The following IL1RAPL1 variants were observed in gnomAD, a reference collection of about 807,000 sequenced individuals.
The protein encoded by IL1RAPL1 is interleukin-1 receptor accessory protein-like 1.
Under a neutral mutation model 48.4 loss-of-function variants are expected in IL1RAPL1, and 3 were observed. The ratio of observed to expected loss-of-function variants is 0.06; its 90% CI spans 0.03 to 0.16. The LOEUF (loss-of-function observed/expected upper bound fraction) is 0.16. Among genes scored for constraint, IL1RAPL1 ranks in the 10% least tolerant of loss-of-function variants. IL1RAPL1 has a pLI of 1.00. For synonymous variants in IL1RAPL1, 185 were observed against 187.7 expected, an observed-to-expected ratio of 0.99 and a Z score of 0.12; for missense variants, 349 against 530.6, an observed-to-expected ratio of 0.66 and a Z score of 3.36.
At chrX:29,382,293 A>G (rs760938152) in intron 3 of IL1RAPL1, among the ~76,000 whole-genome samples, 5 of 112,182 alleles carry the variant, frequency 4.5e-5, no homozygotes, top group African/African-American at 1.6e-4. Context: ...CTATTATCAT[A>G]ATGTACTTTT....
rs919722685 is a variant in IL1RAPL1 at position 29,400,753 on chromosome X, A to G, written c.703+1445A>G. On this transcript the variant is annotated intron_variant, in intron 5 of 10. Transcript: ENST00000378993. ...CTATACTTGAGTTTCTATACAATCA[A>G]TTTTGAAATTTGTTTTTCATCTGTT... is the stretch of plus-strand genomic sequence containing the variant. Among the ~76,000 whole-genome samples, 4 of 112,070 alleles carry G rather than the reference A, an allele frequency of 3.6e-5. No individual in the cohort carries two copies. In the East Asian group the frequency reaches 1.1e-3, roughly 31 times the overall value.
chrX:29,830,427 T>C (rs778775995), intron 6 of IL1RAPL1, among the ~76,000 whole-genome samples: 2 of 110,655 alleles, frequency 1.8e-5, no homozygotes, highest in Admixed American at 9.6e-5. Flanking sequence ...AAGTATAGAT[T>C]CATCATTTAC....
At chrX:28,720,643 C>T (rs1164022639) in intron 1 of IL1RAPL1, among the ~76,000 whole-genome samples, 1 of 111,698 alleles carries the variant, frequency 9.0e-6, no homozygotes, top group African/African-American at 3.3e-5. Context: ...GGTACATATG[C>T]ACAACGTGCA....
intron 6 of IL1RAPL1, among the ~76,000 whole-genome samples, chrX:29,743,163 GTATT>G (rs1170460393): frequency 7.5e-5 from 8 of 106,856 alleles, no homozygotes; most frequent in African/African-American, 1.7e-4. Context: ...TTAATATAAT[GTATT>G]TATATTAACA....
intron 2 of IL1RAPL1, among the ~76,000 whole-genome samples, chrX:29,010,661 C>T (rs1464290592): frequency 9.0e-6 from 1 of 111,337 alleles, no homozygotes; most frequent in Non-Finnish European, 1.9e-5. Flanking sequence ...AATGTGTATT[C>T]AAAAAATAAA....
intron 6 of IL1RAPL1, among the ~76,000 whole-genome samples, chrX:29,838,089 C>A (rs183675398): frequency 9.0e-6 from 1 of 111,366 alleles, no homozygotes; most frequent in Non-Finnish European, 1.9e-5. Flanking sequence ...AGGGAAGAAG[C>A]GTTCCTAAAG....
At chrX:29,708,193 A>G (rs1927251982) in intron 6 of IL1RAPL1, among the ~76,000 whole-genome samples, 1 of 111,078 alleles carries the variant, frequency 9.0e-6, no homozygotes, top group Admixed American at 9.6e-5. Context: ...ACATTGTACA[A>G]AGAGTCACTC....
intron 2 of IL1RAPL1, among the ~76,000 whole-genome samples, chrX:28,923,395 G>A (rs1380334185): frequency 2.7e-5 from 3 of 110,071 alleles, no homozygotes; most frequent in Non-Finnish European, 3.8e-5. Flanking sequence ...GGCTGGTCTC[G>A]AACTCCCAAC....
chrX:29,305,468 A>T (rs1370530484), intron 3 of IL1RAPL1, among the ~76,000 whole-genome samples: 1 of 112,259 alleles, frequency 8.9e-6, no homozygotes, highest in African/African-American at 3.2e-5. Context: ...GGAAATCCAT[A>T]AACCAGATGC....
intron 2 of IL1RAPL1, among the ~76,000 whole-genome samples, chrX:28,914,814 C>T (rs750841571): frequency 8.9e-6 from 1 of 112,503 alleles, no homozygotes; most frequent in Non-Finnish European, 1.9e-5. Flanking sequence ...TGAAAATACT[C>T]GCAGATGAAC....
At chrX:28,954,560 A>T (rs918543470) in intron 2 of IL1RAPL1, among the ~76,000 whole-genome samples, 1 of 110,296 alleles carries the variant, frequency 9.1e-6, no homozygotes, top group Non-Finnish European at 1.9e-5. Context: ...AAAATGGAAA[A>T]TTTTTAGCAC....
intron 2 of IL1RAPL1, among the ~76,000 whole-genome samples, chrX:28,984,292 T>C (rs1422288165): frequency 9.0e-6 from 1 of 111,509 alleles, no homozygotes; most frequent in Non-Finnish European, 1.9e-5. Flanking sequence ...TCTGCAATAT[T>C]GGATGAACAG....
chrX:29,815,842 A>T (rs1569177847), intron 6 of IL1RAPL1, among the ~76,000 whole-genome samples: 1 of 111,350 alleles, frequency 9.0e-6, no homozygotes. Flanking sequence ...TTCTGTGTCT[A>T]TTGAAATGAT....
At chrX:28,808,797 T>TGCAA (rs1936759851) in intron 2 of IL1RAPL1, among the ~76,000 whole-genome samples, 2 of 110,922 alleles carry the variant, frequency 1.8e-5, no homozygotes, top group South Asian at 3.7e-4. Flanking sequence ...TTATTATTTT[T>TGCAA]AGGAGAAGGA....
Position 29,616,415 on chromosome X carries a change from G to A in IL1RAPL1, c.704-52015G>A, listed in dbSNP as rs534284283. ...ACATATGTATACATGTGCCGTGTTC[G>A]TGTGCTGCACCCATTAACTCGTCAT... On this transcript the variant is annotated intron_variant, in intron 5 of 10. Coordinates refer to ENST00000378993, the MANE Select transcript of IL1RAPL1 (RefSeq NM_014271.4). Among the ~76,000 whole-genome samples the A allele has an allele frequency of 1.1e-4, 12 of 107,848 alleles. No homozygotes were observed. The South Asian group carries it at 3.8e-3, about 34-fold the overall frequency. 93.7% of individuals were successfully genotyped at this position (107,848 alleles called of 115,157 possible).
chrX:29,755,736 C>T (rs1601809611), intron 6 of IL1RAPL1, among the ~76,000 whole-genome samples: 4 of 112,333 alleles, frequency 3.6e-5, no homozygotes, highest in East Asian at 5.6e-4. Context: ...TGACAGCTAA[C>T]GATGTGCTTA....
At chrX:29,903,220 T>C (rs957503655) in intron 6 of IL1RAPL1, among the ~76,000 whole-genome samples, 1 of 100,301 alleles carries the variant, frequency 1.0e-5, no homozygotes, top group Non-Finnish European at 2.1e-5. Context: ...GAAATTCTTC[T>C]CTTTTTTCAT....
At chrX:29,236,269 C>T (rs1348288833) in intron 2 of IL1RAPL1, among the ~76,000 whole-genome samples, 2 of 111,742 alleles carry the variant, frequency 1.8e-5, no homozygotes, top group African/African-American at 6.5e-5. Flanking sequence ...AAGTGAATAA[C>T]TTCTTTATGA....
chrX:29,628,933 C>G (rs760275727), intron 5 of IL1RAPL1, among the ~76,000 whole-genome samples: 3 of 112,070 alleles, frequency 2.7e-5, no homozygotes, highest in African/African-American at 9.7e-5. Flanking sequence ...GGGCAATGCT[C>G]TTGGTTGTGC....
Sources: allele counts gnomAD v4.1 joint callset (sites outside exome capture counted in the v4.1 genomes callset), GRCh38; gene constraint gnomAD v4.1.1; transcripts MANE v1.5; gene names NCBI Gene and HGNC (gene_info 2026-07-23, HGNC 2026-07-21).